OCA2: variants seen among roughly 807,000 people sequenced by gnomAD.
OCA2 encodes P protein.
OCA2 carries 77 observed loss-of-function variants against 100.2 expected under a neutral mutation model. The observed-to-expected ratio is 0.77, with a 90% confidence interval of 0.64 to 0.93. OCA2 has a LOEUF of 0.93. OCA2 is among the 40% of genes least tolerant of loss of function. The pLI is 0.00. For synonymous variants in OCA2, 432 were observed against 439.2 expected (o/e 0.98, Z 0.21); for missense variants, 1,062 against 1,089.1 (o/e 0.98, Z 0.35).
rs778521332 is a variant in OCA2, at chr15:27,851,487, G to A, written c.2245-12C>T. 8.1e-6 allele frequency: 13 copies of A among 1,609,138 alleles called. No individual in the cohort carries two copies. In the Middle Eastern group the frequency reaches 5.0e-4, roughly 61 times the overall value. ...AGGAGCACGGGAATCTGTGGAGGAA[G>A]AGGACATTGATGCCACGTCCCATGG... On this transcript the variant is annotated splice_polypyrimidine_tract_variant and intron_variant, in intron 21 of 23. Transcript: ENST00000354638.
chr15:27,736,798 A>C, the OCA2 span, among the ~76,000 whole-genome samples: 15 of 152,220 alleles, frequency 9.9e-5, no homozygotes, highest in Non-Finnish European at 2.2e-4. Context: ...AAATGTTGAA[A>C]GCTTTCACTA....
intron 23 of OCA2, among the ~76,000 whole-genome samples, chr15:27,825,479 C>T (rs112544634): frequency 2.5e-4 from 38 of 152,228 alleles, no homozygotes; most frequent in African/African-American, 8.4e-4. Flanking sequence ...GGAAGCGGCC[C>T]GGCTGGGAGT....
chr15:27,891,464 G>T (rs1300137478), intron 19 of OCA2, among the ~76,000 whole-genome samples: 1 of 152,186 alleles, frequency 6.6e-6, no homozygotes, highest in African/African-American at 2.4e-5. Flanking sequence ...ATTGGTTCCA[G>T]GACCTCTGTG....
In OCA2 at chr15:27,851,364, C is replaced by T. The variant is rs754042415; in HGVS notation, c.2338+18G>A. 1.3e-5 allele frequency: 21 copies of T among 1,605,550 alleles called. No individual in the cohort carries two copies. Among genetic ancestry groups the T allele is most frequent in the Non-Finnish European group, 1.4e-5 (17 of 1,173,054 alleles). On this transcript the variant is annotated intron_variant, in intron 22 of 23. Transcript: ENST00000354638. Reference sequence around the variant, plus strand: ...GTGGGCGTGCACCCCCACCCCCATGCAGTCAGCAGCCCCTTACCTCCCAGG... The same window carrying T: ...GTGGGCGTGCACCCCCACCCCCATGTAGTCAGCAGCCCCTTACCTCCCAGG...
intron 19 of OCA2, among the ~76,000 whole-genome samples, chr15:27,883,371 C>A (rs1039273124): frequency 2.6e-5 from 4 of 152,132 alleles, no homozygotes; most frequent in Admixed American, 6.5e-5. Context: ...CAGAGGGAGG[C>A]GTGAGCTTTA....
intron 23 of OCA2, among the ~76,000 whole-genome samples, chr15:27,812,975 A>C (rs2034138777): frequency 1.3e-5 from 2 of 151,238 alleles, no homozygotes; most frequent in East Asian, 1.9e-4. Flanking sequence ...TGCCCCAGAG[A>C]CTCCCTTCTG....
At chr15:27,935,184 T>C (rs990241822) in intron 18 of OCA2, among the ~76,000 whole-genome samples, 4 of 152,300 alleles carry the variant, frequency 2.6e-5, no homozygotes, top group East Asian at 3.9e-4. Flanking sequence ...GAGACTCTTT[T>C]CCTAAAAATT....
intron 18 of OCA2, among the ~76,000 whole-genome samples, chr15:27,936,427 C>A (rs569119672): frequency 6.6e-6 from 1 of 152,346 alleles, no homozygotes; most frequent in Admixed American, 6.5e-5. Context: ...ACTGCACAGG[C>A]TTTCTCTCAA....
rs112178150 is a variant in OCA2, at chr15:27,910,658, T to TAA, written c.2079+15467_2079+15468dup. Among the ~76,000 whole-genome samples the TAA allele has an allele frequency of 3.3e-3, 483 of 147,820 alleles. 2 individuals are homozygous for TAA. The highest frequency in any genetic ancestry group is 0.012 in the African/African-American group (467 of 40,460). ...AACAGTTGTATGTGCTTATTTATGT[T>TAA]AAAAAAAAAAAACATACGGCTGGGT... is the stretch of plus-strand genomic sequence containing the variant. On this transcript the variant is annotated intron_variant, in intron 19 of 23. Transcript: ENST00000354638.
At chr15:27,873,938 C>T (rs553619615) in intron 19 of OCA2, among the ~76,000 whole-genome samples, 1 of 152,160 alleles carries the variant, frequency 6.6e-6, no homozygotes, top group Admixed American at 6.5e-5. Flanking sequence ...ATACATATTA[C>T]TTGTCTCCTT....
chr15:27,970,360 G>C (rs145254314), intron 14 of OCA2, among the ~76,000 whole-genome samples: 1 of 152,266 alleles, frequency 6.6e-6, no homozygotes, highest in East Asian at 1.9e-4. Context: ...CCACAAGAGA[G>C]AGACACTGTC....
the OCA2 span, among the ~76,000 whole-genome samples, chr15:27,748,193 C>T: frequency 1.2e-4 from 18 of 152,182 alleles, no homozygotes; most frequent in African/African-American, 3.4e-4. Context: ...CATCAGTGAG[C>T]CTGATGAATC....
intron 9 of OCA2, among the ~76,000 whole-genome samples, chr15:28,005,381 A>G (rs890356573): frequency 2.0e-5 from 3 of 152,084 alleles, no homozygotes; most frequent in African/African-American, 7.2e-5. Context: ...GACCTTCTGT[A>G]TGAGTTTCCC....
At chr15:27,864,610 T>G (rs2036253577) in intron 21 of OCA2, among the ~76,000 whole-genome samples, 1 of 152,106 alleles carries the variant, frequency 6.6e-6, no homozygotes, top group Non-Finnish European at 1.5e-5. Flanking sequence ...CCTGAGAAAC[T>G]GCCTTCCACC....
chr15:28,081,916 C>T (rs556865620), intron 1 of OCA2, 21 bp from the exon 2 acceptor site: 682 of 1,570,598 alleles, frequency 4.3e-4, no homozygotes, highest in Non-Finnish European at 5.6e-4. Flanking sequence ...CAGAAAGAAA[C>T]CACTCTTCAT....
At chr15:28,024,980 T>G in intron 4 of OCA2, 78 bp from the exon 5 acceptor site, 1 of 1,309,572 alleles carries the variant, frequency 7.6e-7, no homozygotes, top group South Asian at 1.2e-5. Context: ...TCTGCAGCCT[T>G]GAGTAACTTC....
intron 23 of OCA2, among the ~76,000 whole-genome samples, chr15:27,812,344 G>C (rs946270497): frequency 6.6e-6 from 1 of 152,172 alleles, no homozygotes; most frequent in African/African-American, 2.4e-5. Context: ...CTCTGGGCAA[G>C]TCAGGAGCAC....
chr15:28,092,350 A>G (rs1035203554), intron 1 of OCA2, among the ~76,000 whole-genome samples: 1 of 152,186 alleles, frequency 6.6e-6, no homozygotes, highest in African/African-American at 2.4e-5. Context: ...ACTGAAAAAA[A>G]ACATTAAATT....
chr15:27,803,195 C>T lies in OCA2; in HGVS notation c.2432+41764G>A, dbSNP rs552619250. 1.6e-4 allele frequency among the ~76,000 whole-genome samples: 11 copies of T among 67,340 alleles called. No homozygotes were observed. In the East Asian group the frequency reaches 2.9e-3, roughly 18 times the overall value. The allele number at this position is 67,340 out of a possible 152,430, so 44.2% of individuals were successfully genotyped here. A position where few individuals can be genotyped will look rare whatever the true frequency, so the allele number is the denominator to read the frequency against. ...AGCAGGAAACCCTAAGTTTAAACCACGACGAGACAAAATAATCCAGCAACC... is the reference window on the plus strand; with the variant it reads ...AGCAGGAAACCCTAAGTTTAAACCATGACGAGACAAAATAATCCAGCAACC... On this transcript the variant is annotated intron_variant, in intron 23 of 23. Coordinates refer to ENST00000354638, the MANE Select transcript of OCA2 (RefSeq NM_000275.3).
Sources: gnomAD v4.1 joint callset for allele counts (sites outside exome capture counted in the v4.1 genomes callset) on GRCh38, gnomAD v4.1.1 for gene constraint, MANE v1.5 for transcripts, NCBI Gene and HGNC (gene_info 2026-07-23, HGNC 2026-07-21) for gene names.